The following POLQ variants were observed in gnomAD, a reference collection of about 807,000 sequenced individuals.
The protein encoded by POLQ is DNA polymerase theta.
POLQ carries 233 observed loss-of-function variants against 259.2 expected under a neutral mutation model. The observed-to-expected ratio is 0.90, with a 90% CI of 0.81 to 1.00. The LOEUF (loss-of-function observed/expected upper bound fraction) is 1.00. POLQ is among the 50% of genes least tolerant of loss of function. The probability of loss-of-function intolerance (pLI) is 0.00; values close to 1 mark genes in which losing one functional copy is unlikely to be tolerated. For missense variants in POLQ, 2,871 were observed against 3,051.6 expected, an observed-to-expected ratio of 0.94 and a Z score of 1.39; for synonymous variants, 1,025 against 1,048.8, an observed-to-expected ratio of 0.98 and a Z score of 0.44.
intron 9 of POLQ, among the ~76,000 whole-genome samples, chr3:121,518,924 T>TATCATTCTGCTGTATCAATGATACAGC (rs2048317601): frequency 6.6e-6 from 1 of 152,338 alleles, no homozygotes; most frequent in South Asian, 2.1e-4. Flanking sequence ...TACAGCACGT[T>TATCATTCTGCTGTATCAATGATACAGC]AGAAATAAAA....
intron 22 of POLQ, 108 bp from the exon 23 acceptor site, chr3:121,468,539 G>T: frequency 3.0e-6 from 2 of 674,924 alleles, no homozygotes; most frequent in Non-Finnish European, 5.1e-6. Flanking sequence ...TATCAATGCT[G>T]AACTGAAATA....
intron 5 of POLQ, among the ~76,000 whole-genome samples, chr3:121,535,408 A>G (rs992757551): frequency 6.6e-6 from 1 of 152,170 alleles, no homozygotes; most frequent in African/African-American, 2.4e-5. Context: ...CTTGACTTTT[A>G]TACCTGGACA....
intron 16 of POLQ, among the ~76,000 whole-genome samples, chr3:121,486,655 G>A (rs540257030): frequency 5.3e-5 from 8 of 152,194 alleles, no homozygotes; most frequent in South Asian, 4.2e-4. Flanking sequence ...CTTGAGGTCC[G>A]GAGTTTGAGA....
intron 24 of POLQ, among the ~76,000 whole-genome samples, chr3:121,466,165 C>G (rs969664921): frequency 2.0e-5 from 3 of 151,976 alleles, no homozygotes; most frequent in Non-Finnish European, 4.4e-5. Flanking sequence ...CCACAACATT[C>G]TCTTAAGCCA....
At chr3:121,487,181 G>T in intron 16 of POLQ, 121 bp downstream of exon 16, 1 of 592,084 alleles carries the variant, frequency 1.7e-6, no homozygotes. Flanking sequence ...ATCCACAGAG[G>T]AGATACATAC....
At position 121,485,196 on chromosome 3, in the gene POLQ, A is replaced by G. The variant is rs2048002100; in HGVS notation, c.5630-12T>C. On this transcript the variant is annotated splice_polypyrimidine_tract_variant and intron_variant, in intron 16 of 29. Transcript: ENST00000264233. ...CTGAGGTGAGCTAGCTAAGTAAAACAAAAGTGAAACAGTTAAAAATCTCTA... is the reference window on the plus strand; with the variant it reads ...CTGAGGTGAGCTAGCTAAGTAAAACGAAAGTGAAACAGTTAAAAATCTCTA... The G allele has an allele frequency of 1.3e-6, 2 of 1,540,410 alleles. No individual in the cohort carries two copies. Among genetic ancestry groups the G allele is most frequent in the Non-Finnish European group, 8.8e-7 (1 of 1,133,450 alleles).
chr3:121,468,238 T>C, intron 23 of POLQ, 67 bp downstream of exon 23: 1 of 1,223,092 alleles, frequency 8.2e-7, no homozygotes, highest in South Asian at 1.5e-5. Flanking sequence ...ATTTGTCTAA[T>C]AAGCTATTTT....
intron 17 of POLQ, 64 bp downstream of exon 17, chr3:121,484,977 G>T: frequency 1.7e-6 from 2 of 1,170,758 alleles, no homozygotes; most frequent in South Asian, 1.6e-5. Context: ...CAAAATATAA[G>T]ATCACTACCC....
Position 121,511,958 on chromosome 3 carries a change from G to A in POLQ, c.1540C>T (p.Pro514Ser), listed in dbSNP as rs1576422202. Residue 514 changes from proline (P) to serine (S), a missense_variant, in exon 10 of 30, where the codon CCT becomes TCT. Physicochemically the swap from Pro to Ser is moderately conservative, Grantham distance 74 (BLOSUM62 -1). Around this residue, in one of 3 missense-constraint regions of POLQ, gnomAD observed 783 missense variants for 906.2 expected, o/e 0.86. Transcript: ENST00000264233. Reference protein sequence around the residue: ...GIALLQGSLKPVRSCLQRREG... With the variant: ...GIALLQGSLKSVRSCLQRREG... ...CGTCTTTGCAGACAGCTGCGAACAG[G>A]CTTTAGAGAACCCTGAAGGAGAGCT... The A allele has an allele frequency of 2.5e-6, 4 of 1,613,228 alleles. No individual in the cohort carries two copies. Among genetic ancestry groups the A allele is most frequent in the African/African-American group, 1.3e-5 (1 of 74,906 alleles).
At chr3:121,537,911 AT>A (rs2048461671) in intron 4 of POLQ, among the ~76,000 whole-genome samples, 1 of 152,180 alleles carries the variant, frequency 6.6e-6, no homozygotes, top group Non-Finnish European at 1.5e-5. Context: ...CAAAAATCAT[AT>A]TCCTTATAAT....
At chr3:121,524,937 TACACACACAC>T (rs33965431) in intron 7 of POLQ, among the ~76,000 whole-genome samples, 19 of 148,634 alleles carry the variant, frequency 1.3e-4, no homozygotes, top group South Asian at 6.4e-4. Flanking sequence ...TGTGTATAAA[TACACACACAC>T]ACACACACAC....
In POLQ at chr3:121,490,393, C is replaced by T. The variant is rs1446572518; in HGVS notation, c.2538G>A (p.Val846=). ...AVPFKSARKA[V]DEEEEAVEER... is the part of the protein sequence containing the mutation. The stretch of plus-strand genomic sequence containing the variant: ...CTTCAACTGCTTCCTCTTCCTCATC[C>T]ACTGCCTTCCGGGCACTACACAAGG... Residue 846 remains valine (V), a synonymous_variant, in exon 16 of 30, where the codon GTG becomes GTA. Transcript: ENST00000264233. 1 of 1,613,918 alleles carries T rather than the reference C, an allele frequency of 6.2e-7. No homozygotes were observed. Among genetic ancestry groups the T allele is most frequent in the Admixed American group, 1.7e-5 (1 of 60,000 alleles).
intron 25 of POLQ, among the ~76,000 whole-genome samples, chr3:121,458,459 A>G (rs2047761824): frequency 6.6e-6 from 1 of 152,204 alleles, no homozygotes; most frequent in South Asian, 2.1e-4. Context: ...TTCTGAATTT[A>G]TTCTTGGTCT....
chr3:121,435,004 A>T (rs985205319), intron 28 of POLQ, among the ~76,000 whole-genome samples: 17 of 151,976 alleles, frequency 1.1e-4, no homozygotes, highest in African/African-American at 2.9e-4. Context: ...TAAAAAAAAA[A>T]TTTTTTTAAA....
intron 22 of POLQ, among the ~76,000 whole-genome samples, chr3:121,470,705 G>A (rs1163275643): frequency 1.3e-5 from 2 of 152,188 alleles, no homozygotes; most frequent in Non-Finnish European, 1.5e-5. Context: ...TGATCTCCGA[G>A]GCTCAAGCAA....
intron 24 of POLQ, among the ~76,000 whole-genome samples, chr3:121,461,778 A>G (rs566098635): frequency 2.0e-4 from 30 of 152,330 alleles, no homozygotes; most frequent in Admixed American, 4.6e-4. Flanking sequence ...TTATATCTGC[A>G]TAAAGAAATA....
At chr3:121,437,770 ACCCAAG>A (rs778545139) in intron 27 of POLQ, among the ~76,000 whole-genome samples, 1 of 152,202 alleles carries the variant, frequency 6.6e-6, no homozygotes, top group Non-Finnish European at 1.5e-5. Flanking sequence ...CAAACTGAAA[ACCCAAG>A]TTCTCATCAA....
chr3:121,494,609 G>A, intron 14 of POLQ: 2 of 1,527,854 alleles, frequency 1.3e-6, no homozygotes, highest in Admixed American at 1.8e-5. Flanking sequence ...CAAGCTGGCT[G>A]TCTTCTTGCC....
chr3:121,461,249 T>C (rs1319492056), intron 24 of POLQ, among the ~76,000 whole-genome samples: 2 of 152,226 alleles, frequency 1.3e-5, no homozygotes, highest in Non-Finnish European at 2.9e-5. Context: ...AACAGGTTTT[T>C]ACTCTATGAC....
Sources: allele counts gnomAD v4.1 joint callset (sites outside exome capture counted in the v4.1 genomes callset), GRCh38; gene constraint gnomAD v4.1.1; regional missense constraint gnomAD v4.1.1; transcripts MANE v1.5; gene names NCBI Gene and HGNC (gene_info 2026-07-23, HGNC 2026-07-21).